GALNTL6: variants seen among roughly 807,000 people sequenced by gnomAD.
GALNTL6 encodes the protein polypeptide N-acetylgalactosaminyltransferase-like 6.
GALNTL6 carries 46 observed loss-of-function variants against 73.7 expected under a neutral mutation model. The ratio of observed to expected loss-of-function variants is 0.62; its 90% CI spans 0.49 to 0.80. The LOEUF (loss-of-function observed/expected upper bound fraction) is 0.80. Among genes scored for constraint, GALNTL6 ranks in the 30% least tolerant of loss-of-function variants. The pLI, the probability that GALNTL6 is intolerant of heterozygous loss-of-function variation, is 0.00. For missense variants in GALNTL6, 604 were observed against 755.0 expected (o/e 0.80, Z 2.34); for synonymous variants, 259 against 263.7 (o/e 0.98, Z 0.17).
intron 3 of GALNTL6, among the ~76,000 whole-genome samples, chr4:172,267,963 A>G (rs921550589): frequency 6.6e-6 from 1 of 152,126 alleles, no homozygotes; most frequent in Non-Finnish European, 1.5e-5. Flanking sequence ...GCTGACACCA[A>G]CATATGCAGT....
intron 8 of GALNTL6, among the ~76,000 whole-genome samples, chr4:172,894,749 G>GATCT (rs1375565535): frequency 6.6e-6 from 1 of 152,062 alleles, no homozygotes; most frequent in Non-Finnish European, 1.5e-5. Context: ...CTGCCTAAAT[G>GATCT]ATCTGCCCAT....
chr4:172,873,134 G>T (rs1339489385), intron 7 of GALNTL6, among the ~76,000 whole-genome samples: 1 of 152,218 alleles, frequency 6.6e-6, no homozygotes, highest in Non-Finnish European at 1.5e-5. Context: ...TGGCCTTCCA[G>T]GAGCATCTAT....
chr4:172,130,208 A>G (rs1209679948), intron 2 of GALNTL6, among the ~76,000 whole-genome samples: 1 of 141,758 alleles, frequency 7.1e-6, no homozygotes, highest in Admixed American at 7.3e-5. Flanking sequence ...TTTTTAGCAT[A>G]AGATTGTGAT....
In GALNTL6 at chr4:171,943,745, A is replaced by T. The variant is rs149003332; in HGVS notation, c.138+129027A>T. ...GAATTCAAATGCAAAGAGAAACAGA[A>T]GATAATCACTTCTGAGTTAATGTTT... On this transcript the variant is annotated intron_variant, in intron 2 of 12. Coordinates refer to ENST00000506823, the MANE Select transcript of GALNTL6 (RefSeq NM_001034845.3). Among the ~76,000 whole-genome samples, 262 of 152,330 alleles carry T rather than the reference A, an allele frequency of 1.7e-3. 2 individuals are homozygous for T. Among genetic ancestry groups the T allele is most frequent in the Admixed American group, 0.012 (179 of 15,292 alleles).
chr4:172,089,027 C>T (rs1269147237), intron 2 of GALNTL6, among the ~76,000 whole-genome samples: 1 of 152,132 alleles, frequency 6.6e-6, no homozygotes, highest in South Asian at 2.1e-4. Context: ...ACATAGATTA[C>T]ACTGAGAATG....
chr4:172,165,267 TAAA>T, intron 2 of GALNTL6, among the ~76,000 whole-genome samples: 1 of 152,260 alleles, frequency 6.6e-6, no homozygotes, highest in Non-Finnish European at 1.5e-5. Context: ...AGATGATAGA[TAAA>T]TCTATCATCA....
intron 5 of GALNTL6, among the ~76,000 whole-genome samples, chr4:172,457,943 T>C (rs1469421644): frequency 6.6e-6 from 1 of 152,108 alleles, no homozygotes; most frequent in African/African-American, 2.4e-5. Flanking sequence ...TATTCTAACA[T>C]TGACCACATA....
At chr4:172,041,871 C>T (rs1380296509) in intron 2 of GALNTL6, among the ~76,000 whole-genome samples, 1 of 152,036 alleles carries the variant, frequency 6.6e-6, no homozygotes, top group East Asian at 1.9e-4. Context: ...AAATAAAATG[C>T]AGTGGAAAAT....
intron 2 of GALNTL6, among the ~76,000 whole-genome samples, chr4:172,203,802 A>G (rs568094774): frequency 5.3e-5 from 8 of 152,234 alleles, no homozygotes; most frequent in African/African-American, 1.4e-4. Flanking sequence ...GCTGGAGTGC[A>G]ATGGCACAGT....
chr4:172,115,460 T>TA (rs1199005882), intron 2 of GALNTL6, among the ~76,000 whole-genome samples: 1 of 152,176 alleles, frequency 6.6e-6, no homozygotes, highest in East Asian at 1.9e-4. Context: ...GCACACATCT[T>TA]AATCTTCTTC....
intron 8 of GALNTL6, among the ~76,000 whole-genome samples, chr4:172,921,265 A>G (rs1371162292): frequency 6.6e-6 from 1 of 152,194 alleles, no homozygotes; most frequent in Middle Eastern, 3.2e-3. Flanking sequence ...TTATTTCCAT[A>G]AAGTGTATTA....
chr4:172,708,260 G>T (rs113889936), intron 5 of GALNTL6, among the ~76,000 whole-genome samples: 1 of 152,086 alleles, frequency 6.6e-6, no homozygotes, highest in African/African-American at 2.4e-5. Context: ...ATGTTGCCAG[G>T]CAACACTTCG....
chr4:171,903,172 G>A lies in GALNTL6; in HGVS notation c.138+88454G>A, dbSNP rs900324772. Among the ~76,000 whole-genome samples, 4 of 152,132 alleles carry A rather than the reference G, an allele frequency of 2.6e-5. No individual in the cohort carries two copies. In the South Asian group the frequency reaches 6.2e-4, roughly 24 times the overall value. On this transcript the variant is annotated intron_variant, in intron 2 of 12. Coordinates refer to ENST00000506823, the MANE Select transcript of GALNTL6 (RefSeq NM_001034845.3). ...GGCCTAATAGGAACAGCTCCGGTCT[G>A]CAGCTCCCAGCGTGAGCGACACAGA... is the stretch of plus-strand genomic sequence containing the variant.
At chr4:172,330,834 T>G (rs1356174770) in intron 4 of GALNTL6, among the ~76,000 whole-genome samples, 1 of 152,172 alleles carries the variant, frequency 6.6e-6, no homozygotes, top group Non-Finnish European at 1.5e-5. Context: ...AGTTGACCCC[T>G]TGCTGCTGAC....
chr4:172,980,417 C>A (rs1242195975), intron 10 of GALNTL6, among the ~76,000 whole-genome samples: 1 of 152,156 alleles, frequency 6.6e-6, no homozygotes, highest in African/African-American at 2.4e-5. Flanking sequence ...AACTCTAGAG[C>A]CATCTTTATT....
At chr4:172,465,128 T>G (rs891819244) in intron 5 of GALNTL6, among the ~76,000 whole-genome samples, 1 of 152,186 alleles carries the variant, frequency 6.6e-6, no homozygotes, top group African/African-American at 2.4e-5. Context: ...GCTGACAATA[T>G]TTCCAGTGGT....
intron 2 of GALNTL6, among the ~76,000 whole-genome samples, chr4:171,892,034 T>G (rs1171929457): frequency 2.0e-5 from 3 of 152,154 alleles, no homozygotes; most frequent in African/African-American, 7.2e-5. Context: ...ACACCTAACC[T>G]CATGTGACAG....
intron 5 of GALNTL6, among the ~76,000 whole-genome samples, chr4:172,588,705 G>A (rs12499508): frequency 0.52 from 79,490 of 151,956 alleles, 21,628 homozygotes; most frequent in East Asian, 0.79. Context: ...TCTAACCACA[G>A]ATAAATGCTA....
chr4:171,983,860 G>C (rs1057250631), intron 2 of GALNTL6, among the ~76,000 whole-genome samples: 6 of 152,066 alleles, frequency 3.9e-5, no homozygotes, highest in Non-Finnish European at 8.8e-5. Flanking sequence ...AGGAGGTGGT[G>C]GGGAAGGGCC....
Sources: allele counts gnomAD v4.1 joint callset (sites outside exome capture counted in the v4.1 genomes callset), GRCh38; gene constraint gnomAD v4.1.1; transcripts MANE v1.5; gene names NCBI Gene and HGNC (gene_info 2026-07-23, HGNC 2026-07-21).